Variants in GALNT13 observed in about 807,000 individuals in gnomAD.
GALNT13 encodes UDP-GalNAc:polypeptide N-acetylgalactosaminyltransferase 13.
In GALNT13, 28 loss-of-function variants were observed where a neutral mutation model predicts 64.2. That is an observed-to-expected ratio of 0.44 (90% CI 0.32 to 0.60). The LOEUF is 0.60. GALNT13 is among the 20% of genes least tolerant of loss of function. The pLI, the probability that GALNT13 is intolerant of heterozygous loss-of-function variation, is 0.05. For missense variants in GALNT13, 577 were observed against 669.8 expected (o/e 0.86, Z 1.53); for synonymous variants, 214 against 224.6 (o/e 0.95, Z 0.42).
the GALNT13 span, among the ~76,000 whole-genome samples, chr2:153,347,849 G>A: frequency 2.0e-5 from 3 of 152,160 alleles, no homozygotes; most frequent in African/African-American, 7.2e-5. Flanking sequence ...TCAATCAAAT[G>A]ATTTTGCCTG....
At chr2:153,379,546 C>A in the GALNT13 span, among the ~76,000 whole-genome samples, 3 of 152,126 alleles carry the variant, frequency 2.0e-5, no homozygotes, top group African/African-American at 7.2e-5. Flanking sequence ...GTGACAACAA[C>A]GTTTCATTTA....
At chr2:153,140,059 C>A in the GALNT13 span, among the ~76,000 whole-genome samples, 1 of 151,966 alleles carries the variant, frequency 6.6e-6, no homozygotes, top group Non-Finnish European at 1.5e-5. Context: ...GAGAGGACAT[C>A]AGGTCTGGCA....
the GALNT13 span, among the ~76,000 whole-genome samples, chr2:153,109,500 C>T: frequency 6.6e-6 from 1 of 152,156 alleles, no homozygotes; most frequent in African/African-American, 2.4e-5. Flanking sequence ...TTTCTACCCA[C>T]TCTTGAAGAA....
At chr2:153,348,148 A>G in the GALNT13 span, among the ~76,000 whole-genome samples, 1 of 152,180 alleles carries the variant, frequency 6.6e-6, no homozygotes, top group Non-Finnish European at 1.5e-5. Context: ...ATAATTTAAT[A>G]ACAAATTTCC....
the GALNT13 span, among the ~76,000 whole-genome samples, chr2:153,652,478 G>A: frequency 6.6e-6 from 1 of 152,120 alleles, no homozygotes; most frequent in East Asian, 1.9e-4. Flanking sequence ...AGCCGGGCGT[G>A]GTGTCATCTG....
rs369903943 is a variant in GALNT13, at chr2:154,055,365, A to G, written c.143-84972A>G. 2.6e-5 allele frequency among the ~76,000 whole-genome samples: 4 copies of G among 152,198 alleles called. No individual in the cohort carries two copies. In the South Asian group the frequency reaches 6.2e-4, roughly 24 times the overall value. On this transcript the variant is annotated intron_variant, in intron 3 of 12. Transcript: ENST00000392825. ...TTGAGTGCAGATTGAAGGAAATGCA[A>G]TGTCTTCTTAGGAGAGTGTGTCACC...
the GALNT13 span, among the ~76,000 whole-genome samples, chr2:153,618,584 C>T: frequency 6.6e-6 from 1 of 151,840 alleles, no homozygotes; most frequent in Non-Finnish European, 1.5e-5. Context: ...TGTTGATTTT[C>T]TGTCTGGAAG....
intron 2 of GALNT13, among the ~76,000 whole-genome samples, chr2:153,922,821 G>T (rs1480462611): frequency 6.6e-6 from 1 of 151,988 alleles, no homozygotes; most frequent in Admixed American, 6.6e-5. Flanking sequence ...GAAACTCAGA[G>T]ATATATTATT....
At chr2:153,228,675 C>G in the GALNT13 span, among the ~76,000 whole-genome samples, 1 of 151,926 alleles carries the variant, frequency 6.6e-6, no homozygotes, top group Admixed American at 6.6e-5. Flanking sequence ...GAGATGGAGA[C>G]CATCCTGGCC....
At chr2:154,418,818 T>G (rs1700134832) in intron 11 of GALNT13, among the ~76,000 whole-genome samples, 1 of 152,166 alleles carries the variant, frequency 6.6e-6, no homozygotes, top group South Asian at 2.1e-4. Context: ...TACTAAACCT[T>G]CCTCAAAGTT....
the GALNT13 span, among the ~76,000 whole-genome samples, chr2:153,142,638 G>A: frequency 2.0e-5 from 3 of 151,358 alleles, no homozygotes; most frequent in African/African-American, 7.3e-5. Context: ...GAGAGAGATC[G>A]ATAAATGAAA....
At position 154,453,025 on chromosome 2, in the gene GALNT13, C is replaced by G. The variant is rs908025855; in HGVS notation, c.*2474C>G. On this transcript the variant is annotated 3_prime_UTR_variant, in exon 13 of 13. Transcript: ENST00000392825. ...TGACTCCTCTATTTCTGTTTCAACTCTCGTCTAATCCAACAGCAAATCCCC... is the reference window on the plus strand; with the variant it reads ...TGACTCCTCTATTTCTGTTTCAACTGTCGTCTAATCCAACAGCAAATCCCC... 5 of 152,144 alleles carry G rather than the reference C, an allele frequency of 3.3e-5. No homozygotes were observed. The highest frequency in any genetic ancestry group is 1.5e-5 in the Non-Finnish European group (1 of 68,028). 9.4% of individuals were successfully genotyped at this position (152,144 alleles called of 1,614,324 possible).
the GALNT13 span, among the ~76,000 whole-genome samples, chr2:153,412,165 A>G: frequency 6.6e-6 from 1 of 152,086 alleles, no homozygotes; most frequent in Non-Finnish European, 1.5e-5. Flanking sequence ...CAGACAGCCT[A>G]TTGTGAGACC....
At chr2:154,029,031 G>A (rs1192983494) in intron 3 of GALNT13, among the ~76,000 whole-genome samples, 3 of 151,844 alleles carry the variant, frequency 2.0e-5, no homozygotes, top group Admixed American at 6.6e-5. Flanking sequence ...TTTTTAAGTC[G>A]AATTGGTAAA....
intron 3 of GALNT13, among the ~76,000 whole-genome samples, chr2:153,975,243 A>G (rs1822772): frequency 0.76 from 116,236 of 151,966 alleles, 44,853 homozygotes; most frequent in East Asian, 0.96. Context: ...CCTAACAATG[A>G]TTACATGTCA....
the GALNT13 span, among the ~76,000 whole-genome samples, chr2:153,661,013 G>C: frequency 6.6e-6 from 1 of 152,026 alleles, no homozygotes; most frequent in Admixed American, 6.6e-5. Flanking sequence ...AATCTACCAG[G>C]ATAGGTATAA....
chr2:153,494,997 T>C, the GALNT13 span, among the ~76,000 whole-genome samples: 2 of 152,100 alleles, frequency 1.3e-5, no homozygotes, highest in South Asian at 4.1e-4. Flanking sequence ...ATTGGGAAAA[T>C]GCATTTAAAA....
chr2:153,536,039 G>T, the GALNT13 span, among the ~76,000 whole-genome samples: 1 of 152,310 alleles, frequency 6.6e-6, no homozygotes, highest in East Asian at 1.9e-4. Context: ...TAATTTGCCA[G>T]CAAGTTAGGC....
chr2:154,360,565 G>C (rs1697007921), intron 9 of GALNT13, among the ~76,000 whole-genome samples: 1 of 151,502 alleles, frequency 6.6e-6, no homozygotes, highest in Admixed American at 6.6e-5. Context: ...GTATATTTTT[G>C]TTTTGCTACT....
Sources: allele counts gnomAD v4.1 joint callset (sites outside exome capture counted in the v4.1 genomes callset), GRCh38; gene constraint gnomAD v4.1.1; transcripts MANE v1.5; gene names NCBI Gene and HGNC (gene_info 2026-07-23, HGNC 2026-07-21).